The following NUMB variants were observed in gnomAD, a reference collection of about 807,000 sequenced individuals.
The protein encoded by NUMB is protein numb homolog.
In NUMB, 29 loss-of-function variants were observed where a neutral mutation model predicts 59.7. That is an observed-to-expected ratio of 0.49 (90% CI 0.36 to 0.66). The LOEUF is 0.66. Ranked by LOEUF, NUMB falls within the 30% of genes least tolerant of loss-of-function variation. The probability of loss-of-function intolerance (pLI) is 0.00; values close to 1 mark genes in which losing one functional copy is unlikely to be tolerated. For missense variants in NUMB, 723 were observed against 822.0 expected (o/e 0.88, Z 1.47); for synonymous variants, 288 against 288.2 (o/e 1.00, Z 0.01).
At chr14:73,426,673 C>T (rs1015205100) in intron 1 of NUMB, among the ~76,000 whole-genome samples, 2 of 151,978 alleles carry the variant, frequency 1.3e-5, no homozygotes, top group African/African-American at 2.4e-5. Flanking sequence ...ATGGTGAAAC[C>T]CTGTCTCCAC....
intron 2 of NUMB, among the ~76,000 whole-genome samples, chr14:73,392,788 G>C (rs534759530): frequency 6.6e-6 from 1 of 152,114 alleles, no homozygotes; most frequent in Admixed American, 6.5e-5. Context: ...AAGAAAACCA[G>C]ATTTAGGAAC....
At chr14:73,300,252 GAAT>G (rs1890058301) in intron 6 of NUMB, among the ~76,000 whole-genome samples, 2 of 152,228 alleles carry the variant, frequency 1.3e-5, no homozygotes, top group African/African-American at 4.8e-5. Flanking sequence ...GATGGGGCTA[GAAT>G]ACAAGTTTTA....
chr14:73,324,362 A>C (rs1891556258), intron 4 of NUMB, among the ~76,000 whole-genome samples: 1 of 152,206 alleles, frequency 6.6e-6, no homozygotes, highest in Admixed American at 6.5e-5. Context: ...TCTGGCCTTC[A>C]AGTTTGATAT....
intron 2 of NUMB, among the ~76,000 whole-genome samples, chr14:73,402,273 T>C (rs1193444325): frequency 6.6e-6 from 1 of 152,208 alleles, no homozygotes; most frequent in Non-Finnish European, 1.5e-5. Context: ...CAGTATCTCC[T>C]TGATCACAAA....
chr14:73,330,158 G>A (rs1439579745), intron 4 of NUMB, among the ~76,000 whole-genome samples: 1 of 152,060 alleles, frequency 6.6e-6, no homozygotes, highest in East Asian at 1.9e-4. Context: ...AGCCCCCAAA[G>A]AGCTGGGACT....
intron 11 of NUMB, among the ~76,000 whole-genome samples, chr14:73,281,703 G>A (rs1011186903): frequency 6.6e-6 from 1 of 152,210 alleles, no homozygotes; most frequent in African/African-American, 2.4e-5. Flanking sequence ...CAAATTTTAA[G>A]ACACTTGTTA....
chr14:73,405,776 C>A (rs752403671), intron 2 of NUMB, among the ~76,000 whole-genome samples: 8 of 143,268 alleles, frequency 5.6e-5, no homozygotes, highest in Non-Finnish European at 1.2e-4. Flanking sequence ...AGGACAAACT[C>A]TGTTGTTTTG....
At chr14:73,345,086 G>A (rs547722585) in intron 4 of NUMB, among the ~76,000 whole-genome samples, 1 of 152,240 alleles carries the variant, frequency 6.6e-6, no homozygotes, top group East Asian at 1.9e-4. Context: ...GCAAAGATAC[G>A]GAATCAACGT....
chr14:73,287,380 T>C, intron 8 of NUMB, 66 bp from the exon 9 acceptor site: 1 of 1,301,220 alleles, frequency 7.7e-7, no homozygotes, highest in Non-Finnish European at 1.0e-6. Context: ...AAATAAGTCT[T>C]TTGTTTTGTT....
intron 1 of NUMB, among the ~76,000 whole-genome samples, chr14:73,445,561 C>G (rs901221282): frequency 6.6e-6 from 1 of 151,856 alleles, no homozygotes; most frequent in African/African-American, 2.4e-5. Context: ...TTTTCCAGTC[C>G]ACACAAATAA....
chr14:73,458,156 T>A (rs1415079028), intron 1 of NUMB: 1 of 152,912 alleles, frequency 6.5e-6, no homozygotes, highest in Non-Finnish European at 1.5e-5. Flanking sequence ...TTCCGTTTCC[T>A]CAGATACCTA....
intron 2 of NUMB, among the ~76,000 whole-genome samples, chr14:73,383,814 G>A (rs374417548): frequency 7.1e-4 from 108 of 152,100 alleles, no homozygotes; most frequent in African/African-American, 2.5e-3. Context: ...TCAGGAGTTC[G>A]AGACCAGCCT....
chr14:73,409,054 GTTAT>G (rs748850692), intron 2 of NUMB: 3 of 151,868 alleles, frequency 2.0e-5, no homozygotes, highest in Admixed American at 6.6e-5. Context: ...TATATTACAT[GTTAT>G]TTATATTCTT....
At chr14:73,284,058 G>C (rs1420416530) in intron 10 of NUMB, 23 bp downstream of exon 10, 2 of 1,606,362 alleles carry the variant, frequency 1.2e-6, no homozygotes, top group Admixed American at 1.7e-5. Flanking sequence ...AGTACCCAGT[G>C]AGTCAGGTAG....
At chr14:73,450,534 C>A (rs1883848009) in intron 1 of NUMB, among the ~76,000 whole-genome samples, 1 of 152,230 alleles carries the variant, frequency 6.6e-6, no homozygotes, top group Admixed American at 6.5e-5. Context: ...GTGGCTCACG[C>A]CTGTAATCCC....
intron 4 of NUMB, among the ~76,000 whole-genome samples, chr14:73,349,282 A>G (rs962508220): frequency 6.6e-6 from 1 of 151,854 alleles, no homozygotes; most frequent in East Asian, 1.9e-4. Flanking sequence ...AGAAACACCA[A>G]CTCTACTAAA....
rs537220616 is a variant in NUMB at position 73,424,792 on chromosome 14, C to T, written c.-232-14724G>A. On this transcript the variant is annotated intron_variant, in intron 1 of 12. Transcript: ENST00000555238. ...CTCTCCACTAATTCAAACCCCAAAT[C>T]CAAGAAGAAAAACTAATTTAACTGA... is the stretch of plus-strand genomic sequence containing the variant. 1.4e-3 allele frequency among the ~76,000 whole-genome samples: 212 copies of T among 152,246 alleles called. 1 individual carries two copies. The highest frequency in any genetic ancestry group is 1.9e-3 in the Non-Finnish European group (126 of 68,016).
intron 3 of NUMB, among the ~76,000 whole-genome samples, chr14:73,365,508 TG>T (rs2140042360): frequency 6.6e-6 from 1 of 152,256 alleles, no homozygotes; most frequent in South Asian, 2.1e-4. Context: ...AGGCTGGGCA[TG>T]GTAGTAATAC....
intron 1 of NUMB, among the ~76,000 whole-genome samples, chr14:73,437,798 TC>T (rs1240895743): frequency 1.3e-5 from 2 of 152,174 alleles, no homozygotes; most frequent in African/African-American, 4.8e-5. Flanking sequence ...TTTCTACAGA[TC>T]ATTTGTACAG....
Sources: gnomAD v4.1 joint callset for allele counts (sites outside exome capture counted in the v4.1 genomes callset) on GRCh38, gnomAD v4.1.1 for gene constraint, MANE v1.5 for transcripts, NCBI Gene and HGNC (gene_info 2026-07-23, HGNC 2026-07-21) for gene names.